Variants in ZBTB7C observed in about 807,000 individuals in gnomAD.
ZBTB7C encodes zinc finger and BTB domain containing 7C.
Under a neutral mutation model 25.7 loss-of-function variants are expected in ZBTB7C, and 8 were observed. The ratio of observed to expected loss-of-function variants is 0.31; its 90% CI spans 0.18 to 0.56. The LOEUF is 0.56. ZBTB7C is among the 20% of genes least tolerant of loss of function. ZBTB7C has a pLI of 0.91. For synonymous variants in ZBTB7C, 394 were observed against 369.0 expected, an observed-to-expected ratio of 1.07 and a Z score of -0.78; for missense variants, 824 against 855.2, an observed-to-expected ratio of 0.96 and a Z score of 0.46.
At chr18:48,034,931 G>T (rs1598746902) in intron 4 of ZBTB7C, among the ~76,000 whole-genome samples, 2 of 152,170 alleles carry the variant, frequency 1.3e-5, no homozygotes, top group African/African-American at 4.8e-5. Flanking sequence ...CTCCAGAAAG[G>T]CTCCCAATCA....
chr18:48,127,831 G>C (rs1403254109), intron 3 of ZBTB7C, among the ~76,000 whole-genome samples: 2 of 152,218 alleles, frequency 1.3e-5, no homozygotes, highest in African/African-American at 4.8e-5. Context: ...GGATGGGAGG[G>C]AACATGGAGA....
intron 2 of ZBTB7C, among the ~76,000 whole-genome samples, chr18:48,321,993 T>C (rs180747261): frequency 2.0e-5 from 3 of 152,280 alleles, no homozygotes; most frequent in Non-Finnish European, 4.4e-5. Flanking sequence ...CTGTCCCTAT[T>C]ATATTTTATC....
intron 2 of ZBTB7C, among the ~76,000 whole-genome samples, chr18:48,222,724 T>G (rs1471246076): frequency 6.6e-6 from 1 of 152,190 alleles, no homozygotes; most frequent in Non-Finnish European, 1.5e-5. Flanking sequence ...TATGTATGAC[T>G]GATATGAGAC....
intron 1 of ZBTB7C, among the ~76,000 whole-genome samples, chr18:48,408,171 C>T (rs928295573): frequency 1.3e-5 from 2 of 152,234 alleles, no homozygotes; most frequent in African/African-American, 2.4e-5. Context: ...CTTGCGCCCG[C>T]GCCGCGGAAG....
chr18:48,136,182 G>T (rs2040151794), intron 3 of ZBTB7C, among the ~76,000 whole-genome samples: 1 of 152,130 alleles, frequency 6.6e-6, no homozygotes, highest in African/African-American at 2.4e-5. Context: ...AGGAACTCAG[G>T]CGCTCCAGTG....
At chr18:48,226,281 A>T (rs544691935) in intron 2 of ZBTB7C, among the ~76,000 whole-genome samples, 1 of 152,276 alleles carries the variant, frequency 6.6e-6, no homozygotes, top group African/African-American at 2.4e-5. Flanking sequence ...TCCAGGAAAC[A>T]CCTCCAGGTG....
intron 3 of ZBTB7C, among the ~76,000 whole-genome samples, chr18:48,128,654 T>C (rs2039885035): frequency 6.6e-6 from 1 of 151,838 alleles, no homozygotes; most frequent in Non-Finnish European, 1.5e-5. Context: ...AGCTAAGCGA[T>C]GGGTACGCAA....
intron 2 of ZBTB7C, among the ~76,000 whole-genome samples, chr18:48,295,860 A>G (rs1288182691): frequency 1.3e-5 from 2 of 152,096 alleles, no homozygotes; most frequent in Non-Finnish European, 2.9e-5. Context: ...TGGGGAAGAG[A>G]TAGGGGTCAG....
At chr18:48,100,392 T>C (rs1056656149) in intron 3 of ZBTB7C, among the ~76,000 whole-genome samples, 8 of 152,200 alleles carry the variant, frequency 5.3e-5, no homozygotes, top group Admixed American at 6.5e-5. Context: ...CTAGGCATCT[T>C]ATTATTCTCC....
chr18:48,196,813 C>T (rs1046573338), intron 2 of ZBTB7C, among the ~76,000 whole-genome samples: 1 of 152,206 alleles, frequency 6.6e-6, no homozygotes, highest in Non-Finnish European at 1.5e-5. Flanking sequence ...TGTTAGCAGG[C>T]ACCTGCAACT....
intron 2 of ZBTB7C, among the ~76,000 whole-genome samples, chr18:48,286,499 T>A (rs1204624486): frequency 6.6e-6 from 1 of 151,960 alleles, no homozygotes; most frequent in Non-Finnish European, 1.5e-5. Flanking sequence ...CTTGATGCAA[T>A]ATTTAACTCA....
intron 1 of ZBTB7C, among the ~76,000 whole-genome samples, chr18:48,370,433 G>A (rs2047361987): frequency 6.6e-6 from 1 of 152,098 alleles, no homozygotes; most frequent in Admixed American, 6.5e-5. Flanking sequence ...GGCAAGAGGG[G>A]AACAGTTAGC....
chr18:48,396,807 A>T (rs1009840557), intron 1 of ZBTB7C, among the ~76,000 whole-genome samples: 4 of 152,200 alleles, frequency 2.6e-5, no homozygotes, highest in Admixed American at 2.0e-4. Flanking sequence ...TCTTATGCTG[A>T]ACCACGAGCC....
intron 2 of ZBTB7C, among the ~76,000 whole-genome samples, chr18:48,235,686 AT>A (rs1270888343): frequency 1.3e-5 from 2 of 151,838 alleles, no homozygotes; most frequent in African/African-American, 2.4e-5. Flanking sequence ...GTTTGTCCAA[AT>A]TTTTTTTATT....
chr18:48,203,982 A>T (rs1286445687), intron 2 of ZBTB7C, among the ~76,000 whole-genome samples: 1 of 152,166 alleles, frequency 6.6e-6, no homozygotes. Flanking sequence ...ACCATTCTGC[A>T]TGAGTCCCTG....
chr18:48,397,286 A>G (rs2145293737), intron 1 of ZBTB7C, among the ~76,000 whole-genome samples: 1 of 152,220 alleles, frequency 6.6e-6, no homozygotes, highest in South Asian at 2.1e-4. Flanking sequence ...CCTTAACCAA[A>G]TGTATTTCCT....
intron 1 of ZBTB7C, among the ~76,000 whole-genome samples, chr18:48,408,131 G>A (rs1015847311): frequency 1.3e-5 from 2 of 152,202 alleles, no homozygotes; most frequent in African/African-American, 4.8e-5. Context: ...TACAGGCAGC[G>A]CACGCCACCC....
intron 2 of ZBTB7C, among the ~76,000 whole-genome samples, chr18:48,333,269 G>T (rs534519602): frequency 3.3e-5 from 5 of 152,292 alleles, no homozygotes; most frequent in African/African-American, 9.6e-5. Context: ...AGCAGAAGCT[G>T]TTCCCCCTGG....
chr18:48,392,305 G>A (rs1303100632), intron 1 of ZBTB7C, among the ~76,000 whole-genome samples: 1 of 152,164 alleles, frequency 6.6e-6, no homozygotes. Context: ...TCTTAAAGAT[G>A]AAATGCTCTT....
Sources: gnomAD v4.1 joint callset for allele counts (sites outside exome capture counted in the v4.1 genomes callset) on GRCh38, gnomAD v4.1.1 for gene constraint, MANE v1.5 for transcripts, NCBI Gene and HGNC (gene_info 2026-07-23, HGNC 2026-07-21) for gene names.